NTN1: variants seen among roughly 807,000 people sequenced by gnomAD.
NTN1 encodes the protein netrin-1.
NTN1 carries 11 observed loss-of-function variants against 54.2 expected under a neutral mutation model. The observed-to-expected ratio is 0.20, with a 90% CI of 0.13 to 0.34. The LOEUF is 0.34. Among genes scored for constraint, NTN1 ranks in the 10% least tolerant of loss-of-function variants. NTN1 has a pLI of 1.00. For synonymous variants in NTN1, 371 were observed against 382.0 expected (o/e 0.97, Z 0.33); for missense variants, 740 against 893.1 (o/e 0.83, Z 2.18).
chr17:9,145,939 A>AAAG (rs71135945), intron 2 of NTN1, among the ~76,000 whole-genome samples: 3 of 139,694 alleles, frequency 2.1e-5, no homozygotes, highest in Admixed American at 1.4e-4. Context: ...AAAAAAAAAA[A>AAAG]GTGTGGGGTA....
chr17:9,012,164 T>C, the NTN1 span, among the ~76,000 whole-genome samples: 1 of 152,088 alleles, frequency 6.6e-6, no homozygotes, highest in Admixed American at 6.6e-5. Flanking sequence ...CTGCTTGGTC[T>C]AGCTCTCAGC....
intron 2 of NTN1, among the ~76,000 whole-genome samples, chr17:9,101,668 T>A (rs2092150807): frequency 6.6e-6 from 1 of 152,172 alleles, no homozygotes; most frequent in South Asian, 2.1e-4. Flanking sequence ...TCCTAATCCC[T>A]GCCTTGCCTT....
intron 6 of NTN1, among the ~76,000 whole-genome samples, chr17:9,226,097 A>C (rs1905531371): frequency 7.0e-6 from 1 of 142,510 alleles, no homozygotes; most frequent in Non-Finnish European, 1.5e-5. Flanking sequence ...GCACACGCTT[A>C]CAGAGAGCCA....
intron 5 of NTN1, among the ~76,000 whole-genome samples, chr17:9,201,728 C>T (rs1904790031): frequency 6.6e-6 from 1 of 152,108 alleles, no homozygotes; most frequent in South Asian, 2.1e-4. Flanking sequence ...CATGCCTGAG[C>T]TCCTGGGCTG....
At chr17:9,067,266 C>CAAA (rs34250366) in intron 2 of NTN1, among the ~76,000 whole-genome samples, 6 of 141,578 alleles carry the variant, frequency 4.2e-5, no homozygotes, top group African/African-American at 7.9e-5. Flanking sequence ...GACCCTGTCT[C>CAAA]AAAAAAAAAA....
At chr17:9,132,680 G>C (rs1356673558) in intron 2 of NTN1, among the ~76,000 whole-genome samples, 4 of 152,064 alleles carry the variant, frequency 2.6e-5, no homozygotes, top group Non-Finnish European at 4.4e-5. Flanking sequence ...TTCAAGACCA[G>C]CCTGACCAAC....
chr17:9,089,811 C>A (rs1270264402), intron 2 of NTN1, among the ~76,000 whole-genome samples: 2 of 152,184 alleles, frequency 1.3e-5, no homozygotes, highest in Non-Finnish European at 2.9e-5. Flanking sequence ...GGGGTTTCAT[C>A]TCTCTTTTAC....
At chr17:9,163,369 C>G (rs991543428) in intron 3 of NTN1, among the ~76,000 whole-genome samples, 1 of 152,012 alleles carries the variant, frequency 6.6e-6, no homozygotes, top group Non-Finnish European at 1.5e-5. Context: ...CAGAGGGCTG[C>G]GAGTCATGTT....
intron 2 of NTN1, among the ~76,000 whole-genome samples, chr17:9,096,870 A>G (rs1458029686): frequency 6.6e-6 from 1 of 152,206 alleles, no homozygotes; most frequent in East Asian, 1.9e-4. Flanking sequence ...AGGAGTGTTA[A>G]ATGCAACTAA....
At chr17:9,065,080 G>A (rs1475625189) in intron 2 of NTN1, among the ~76,000 whole-genome samples, 1 of 152,152 alleles carries the variant, frequency 6.6e-6, no homozygotes, top group Non-Finnish European at 1.5e-5. Context: ...GGGATTACAG[G>A]TGTGCACCAC....
chr17:9,228,364 AGT>A lies in NTN1; in HGVS notation c.1486+7126_1486+7127del, dbSNP rs570104733. Among the ~76,000 whole-genome samples, 7 of 152,286 alleles carry A rather than the reference AGT, an allele frequency of 4.6e-5. No individual in the cohort carries two copies. In the South Asian group the frequency reaches 1.5e-3, roughly 32 times the overall value. ...GAGTAAGAGCGGGGGCGTTCAGTGC[AGT>A]GTGGGGCCCAGGGAGGCTGGAGAGA... On this transcript the variant is annotated intron_variant, in intron 6 of 6. Transcript: ENST00000173229.
intron 2 of NTN1, among the ~76,000 whole-genome samples, chr17:9,138,456 G>A (rs1221037360): frequency 6.6e-6 from 1 of 152,094 alleles, no homozygotes; most frequent in East Asian, 1.9e-4. Flanking sequence ...TGCAGGGCTC[G>A]GTGGCTGGAC....
chr17:9,106,438 G>A lies in NTN1; in HGVS notation c.1019-56375G>A, dbSNP rs982925772. Among the ~76,000 whole-genome samples the A allele has an allele frequency of 8.6e-5, 13 of 152,042 alleles. No homozygotes were observed. The East Asian group carries it at 2.5e-3, about 29-fold the overall frequency. ...GTTCTGACCACTGATTTGCCATCTG[G>A]CAAAATGGCATTTCCTTCCTTCCTT... On this transcript the variant is annotated intron_variant, in intron 2 of 6. Coordinates refer to ENST00000173229, the MANE Select transcript of NTN1 (RefSeq NM_004822.3).
chr17:9,235,143 G>A (rs767707159), intron 6 of NTN1, among the ~76,000 whole-genome samples: 2 of 151,602 alleles, frequency 1.3e-5, no homozygotes, highest in African/African-American at 4.8e-5. Context: ...TTTTGTATTT[G>A]TAGTAGAGAC....
rs536524441 is a variant in NTN1, at chr17:9,132,781, G to A, written c.1019-30032G>A. ...CCCAGTTACTCAGGAGGCTGAGGCA[G>A]GAGATTCACTTGAACCCAGGAGGTG... On this transcript the variant is annotated intron_variant, in intron 2 of 6. Coordinates refer to ENST00000173229, the MANE Select transcript of NTN1 (RefSeq NM_004822.3). Among the ~76,000 whole-genome samples the A allele has an allele frequency of 2.6e-5, 4 of 152,278 alleles. No homozygotes were observed. In the East Asian group the frequency reaches 7.7e-4, roughly 29 times the overall value.
intron 2 of NTN1, among the ~76,000 whole-genome samples, chr17:9,127,076 G>GT (rs981472648): frequency 2.7e-5 from 4 of 146,460 alleles, no homozygotes; most frequent in Admixed American, 1.3e-4. Flanking sequence ...AGGGCCGGGG[G>GT]GGGGCAGGAC....
intron 2 of NTN1, among the ~76,000 whole-genome samples, chr17:9,076,060 A>G (rs1277871383): frequency 2.0e-5 from 3 of 152,148 alleles, no homozygotes; most frequent in African/African-American, 7.2e-5. Context: ...CAGAGAGAGG[A>G]GGTGATTCCC....
chr17:9,142,306 A>T (rs1211194361), intron 2 of NTN1, among the ~76,000 whole-genome samples: 1 of 150,662 alleles, frequency 6.6e-6, no homozygotes, highest in African/African-American at 2.4e-5. Context: ...AAAAAAAAAA[A>T]AGAAAAAAAC....
chr17:9,021,524 T>TGGC lies in NTN1; in HGVS notation c.-113_-111dup, dbSNP rs1242575452. On this transcript the variant is annotated 5_prime_UTR_variant, in exon 1 of 7. Coordinates refer to ENST00000173229, the MANE Select transcript of NTN1 (RefSeq NM_004822.3). ...CTCCGCCCCTCACTCCCAGCGCGAG[T>TGGC]GGCGGCGGCGGCGGAGCCTTCGGGG... The TGGC allele has an allele frequency of 2.6e-5, 4 of 151,618 alleles. No homozygotes were observed. Among genetic ancestry groups the TGGC allele is most frequent in the Non-Finnish European group, 5.9e-5 (4 of 67,722 alleles). 9.4% of individuals were successfully genotyped at this position (151,618 alleles called of 1,614,324 possible). A position where few individuals can be genotyped will look rare whatever the true frequency, so the allele number is the denominator to read the frequency against.
Sources: gnomAD v4.1 joint callset for allele counts (sites outside exome capture counted in the v4.1 genomes callset) on GRCh38, gnomAD v4.1.1 for gene constraint, MANE v1.5 for transcripts, NCBI Gene and HGNC (gene_info 2026-07-23, HGNC 2026-07-21) for gene names.